The following SND1 variants were observed in gnomAD, a reference collection of about 807,000 sequenced individuals.
SND1 encodes staphylococcal nuclease and tudor domain containing 1.
SND1 carries 38 observed loss-of-function variants against 121.7 expected under a neutral mutation model. That is an observed-to-expected ratio of 0.31 (90% CI 0.24 to 0.41). The LOEUF (loss-of-function observed/expected upper bound fraction) is 0.41, where lower values mean the gene tolerates loss of function less well. Among genes scored for constraint, SND1 ranks in the 10% least tolerant of loss-of-function variants. The pLI is 1.00. For missense variants in SND1, 868 were observed against 1,184.6 expected, an observed-to-expected ratio of 0.73 and a Z score of 3.92; for synonymous variants, 401 against 447.4, an observed-to-expected ratio of 0.90 and a Z score of 1.31.
At chr7:128,086,089 G>A (rs551555766) in intron 20 of SND1, among the ~76,000 whole-genome samples, 4 of 152,318 alleles carry the variant, frequency 2.6e-5, no homozygotes, top group African/African-American at 7.2e-5. Flanking sequence ...AGCACATGGA[G>A]GGCCTTTACA....
chr7:127,957,780 A>C (rs1398982685), intron 15 of SND1, among the ~76,000 whole-genome samples: 1 of 152,140 alleles, frequency 6.6e-6, no homozygotes, highest in East Asian at 1.9e-4. Context: ...GGCTCACTGC[A>C]ACCTCCACCT....
chr7:127,948,813 C>A (rs1801392805), intron 15 of SND1, among the ~76,000 whole-genome samples: 2 of 152,210 alleles, frequency 1.3e-5, no homozygotes, highest in South Asian at 4.1e-4. Flanking sequence ...ATAGCCCAAC[C>A]CTCTTCCGTT....
intron 10 of SND1, among the ~76,000 whole-genome samples, chr7:127,798,308 C>CT: frequency 6.6e-6 from 1 of 152,350 alleles, no homozygotes; most frequent in Non-Finnish European, 1.5e-5. Flanking sequence ...TCTGCTCTCA[C>CT]TGTGGCTAGT....
rs546221929 is a variant in SND1, at chr7:127,970,125, A to G, written c.1670-20822A>G. ...TGTATGTGAACCTAGTTTTGATAATACAGCTATTTCCTATGTTTTTTTAAA... is the reference window on the plus strand; with the variant it reads ...TGTATGTGAACCTAGTTTTGATAATGCAGCTATTTCCTATGTTTTTTTAAA... On this transcript the variant is annotated intron_variant, in intron 15 of 23. Coordinates refer to ENST00000354725, the MANE Select transcript of SND1 (RefSeq NM_014390.4). Among the ~76,000 whole-genome samples the G allele has an allele frequency of 3.9e-5, 6 of 152,324 alleles. No homozygotes were observed. In the East Asian group the frequency reaches 1.2e-3, roughly 29 times the overall value.
Position 127,849,760 on chromosome 7 carries a change from G to T in SND1, c.1343+5336G>T, listed in dbSNP as rs562071686. Among the ~76,000 whole-genome samples the T allele has an allele frequency of 3.3e-5, 5 of 152,274 alleles. No homozygotes were observed. The South Asian group carries it at 1.0e-3, about 32-fold the overall frequency. ...TTAGACAGGTGACTTTATTTTTTCT[G>T]TTTATTTTTCTCATATTTTCCTTCT... On this transcript the variant is annotated intron_variant, in intron 12 of 23. Transcript: ENST00000354725.
chr7:127,807,899 G>A (rs1798264629), intron 11 of SND1, among the ~76,000 whole-genome samples: 1 of 152,084 alleles, frequency 6.6e-6, no homozygotes, highest in African/African-American at 2.4e-5. Context: ...TTCATTAAAT[G>A]TCCAGGGCTA....
intron 10 of SND1, among the ~76,000 whole-genome samples, chr7:127,738,239 G>A (rs945973558): frequency 2.0e-5 from 3 of 151,320 alleles, no homozygotes; most frequent in Admixed American, 6.6e-5. Flanking sequence ...CTTAGCCACT[G>A]GAAGTCTCGC....
intron 9 of SND1, among the ~76,000 whole-genome samples, chr7:127,709,729 AGAG>A (rs1796265853): frequency 6.6e-6 from 1 of 152,206 alleles, no homozygotes; most frequent in African/African-American, 2.4e-5. Context: ...GTGCCAAAGT[AGAG>A]GAGATTGCCT....
intron 11 of SND1, among the ~76,000 whole-genome samples, chr7:127,821,889 G>C (rs1798555834): frequency 6.6e-6 from 1 of 152,098 alleles, no homozygotes; most frequent in African/African-American, 2.4e-5. Context: ...ATGGAAACAG[G>C]TTATTTTTTG....
At position 127,769,582 on chromosome 7, in the gene SND1, C is replaced by G. The variant is rs191975519; in HGVS notation, c.1153-37902C>G. Among the ~76,000 whole-genome samples the G allele has an allele frequency of 1.1e-4, 16 of 152,146 alleles. No homozygotes were observed. In the East Asian group the frequency reaches 2.9e-3, roughly 28 times the overall value. On this transcript the variant is annotated intron_variant, in intron 10 of 23. Transcript: ENST00000354725. ...CTTATGTTTTGACCAGCTTCCATTC[C>G]TTGTCCAGATCTGTTTATTCCATGT...
chr7:127,672,262 G>A (rs748077347), intron 1 of SND1, among the ~76,000 whole-genome samples: 5 of 151,906 alleles, frequency 3.3e-5, no homozygotes, highest in African/African-American at 9.7e-5. Context: ...TCTTAAAACC[G>A]GGGATATCCA....
intron 10 of SND1, among the ~76,000 whole-genome samples, chr7:127,751,091 G>GT (rs1345411948): frequency 1.3e-5 from 2 of 152,110 alleles, no homozygotes; most frequent in Non-Finnish European, 2.9e-5. Context: ...TAGAAAATTA[G>GT]TGTAAGCAAA....
intron 12 of SND1, among the ~76,000 whole-genome samples, chr7:127,864,280 G>A (rs1049630083): frequency 2.0e-5 from 3 of 147,624 alleles, no homozygotes; most frequent in Non-Finnish European, 4.4e-5. Context: ...TGAGGAAATG[G>A]CATGTTTTGG....
intron 15 of SND1, 73 bp downstream of exon 15, chr7:127,929,402 C>T: frequency 6.6e-7 from 1 of 1,519,420 alleles, no homozygotes; most frequent in Non-Finnish European, 9.1e-7. Flanking sequence ...TCCTTTCCCC[C>T]TGTGTTCTAG....
intron 14 of SND1, among the ~76,000 whole-genome samples, chr7:127,906,159 G>A (rs1223598200): frequency 2.6e-5 from 4 of 152,156 alleles, no homozygotes; most frequent in African/African-American, 9.7e-5. Context: ...CATGTTAACT[G>A]GACTTCAGTC....
Position 128,029,167 on chromosome 7 carries a change from T to A in SND1, c.1779+38111T>A. The A allele has an allele frequency of 6.2e-7, 1 of 1,613,922 alleles. No homozygotes were observed. Among genetic ancestry groups the A allele is most frequent in the Non-Finnish European group, 8.5e-7 (1 of 1,179,978 alleles). ...ACACGGGTAGTCTGAATGAGCACCG[T>A]GGTAGAGGTGGTATATGCCGGCTGG... On this transcript the variant is annotated intron_variant, in intron 16 of 23. Coordinates refer to ENST00000354725, the MANE Select transcript of SND1 (RefSeq NM_014390.4). This position sits in a 1 kb window ranked among gnomAD's most constrained non-coding sequence, Gnocchi z 4.2.
At chr7:127,767,625 T>C (rs952193265) in intron 10 of SND1, among the ~76,000 whole-genome samples, 1 of 152,216 alleles carries the variant, frequency 6.6e-6, no homozygotes, top group Admixed American at 6.5e-5. Flanking sequence ...TTCTAATAAC[T>C]CTTAGGTTCT....
chr7:127,707,857 T>C (rs1398339753), intron 9 of SND1, among the ~76,000 whole-genome samples: 1 of 152,064 alleles, frequency 6.6e-6, no homozygotes, highest in African/African-American at 2.4e-5. Context: ...TAAATTTCTT[T>C]GTAAATTAGC....
chr7:128,020,951 T>G (rs1399037516), intron 16 of SND1, among the ~76,000 whole-genome samples: 1 of 152,162 alleles, frequency 6.6e-6, no homozygotes, highest in African/African-American at 2.4e-5. Context: ...GAGCACAGTC[T>G]TGTCCTGTCC....
Sources: allele counts gnomAD v4.1 joint callset (sites outside exome capture counted in the v4.1 genomes callset), GRCh38; gene constraint gnomAD v4.1.1; non-coding constraint Gnocchi (gnomAD v3.1); transcripts MANE v1.5; gene names NCBI Gene and HGNC (gene_info 2026-07-23, HGNC 2026-07-21).